Variants in RPRD2 observed in about 807,000 individuals in gnomAD.
RPRD2 encodes the protein regulation of nuclear pre-mRNA domain containing 2, also known as regulation of nuclear pre-mRNA domain-containing protein 2.
A neutral mutation model predicts 104.4 loss-of-function variants in RPRD2; 12 were observed. The ratio of observed to expected loss-of-function variants is 0.11; its 90% CI spans 0.07 to 0.19. RPRD2 has a LOEUF of 0.19. Ranked by LOEUF, RPRD2 falls within the 10% of genes least tolerant of loss-of-function variation. RPRD2 has a pLI of 1.00. For synonymous variants in RPRD2, 714 were observed against 684.9 expected (o/e 1.04, Z -0.66); for missense variants, 1,543 against 1,790.1 (o/e 0.86, Z 2.49).
At chr1:150,383,439 T>C (rs1661305431) in intron 1 of RPRD2, among the ~76,000 whole-genome samples, 1 of 151,162 alleles carries the variant, frequency 6.6e-6, no homozygotes, top group Non-Finnish European at 1.5e-5. Flanking sequence ...CTCAGCCTCC[T>C]GAGTAGCTGG....
At chr1:150,402,294 C>G (rs782107568) in intron 1 of RPRD2, among the ~76,000 whole-genome samples, 1 of 152,140 alleles carries the variant, frequency 6.6e-6, no homozygotes, top group African/African-American at 2.4e-5. Context: ...ATTTGCATAC[C>G]TATCTTCAGT....
At chr1:150,436,462 G>A (rs1553893120) in intron 2 of RPRD2, among the ~76,000 whole-genome samples, 1 of 151,936 alleles carries the variant, frequency 6.6e-6, no homozygotes, top group South Asian at 2.1e-4. Flanking sequence ...TTAGCTGGGC[G>A]TGGTGGCAGG....
chr1:150,424,609 A>G (rs1560190816), intron 2 of RPRD2, among the ~76,000 whole-genome samples: 1 of 152,122 alleles, frequency 6.6e-6, no homozygotes, highest in African/African-American at 2.4e-5. Context: ...TTCTTTCTAC[A>G]AAATGAGAAA....
At chr1:150,409,833 G>A (rs1353766776) in intron 1 of RPRD2, among the ~76,000 whole-genome samples, 1 of 151,676 alleles carries the variant, frequency 6.6e-6, no homozygotes, top group Non-Finnish European at 1.5e-5. Context: ...TTAGTAGAGA[G>A]GGGGTTTCAC....
intron 1 of RPRD2, among the ~76,000 whole-genome samples, chr1:150,382,983 G>A (rs782080252): frequency 2.6e-5 from 4 of 151,832 alleles, no homozygotes; most frequent in South Asian, 2.1e-4. Flanking sequence ...CACTGTGCCC[G>A]GCTGGGATTT....
chr1:150,470,713 A>G lies in RPRD2; in HGVS notation c.1765A>G (p.Ser589Gly), dbSNP rs1668530729. The change falls in exon 11 of 11, where the codon AGC becomes GGC. Residue 589 changes from serine to glycine, a missense_variant. Around this residue, in one of 4 missense-constraint regions of RPRD2, gnomAD observed 572 missense variants for 787.3 expected, o/e 0.73. Coordinates refer to ENST00000369068, the MANE Select transcript of RPRD2 (RefSeq NM_015203.5). ...PSSAQPFIPKSFNYSPNSSTS... is the reference protein window; with the variant it reads ...PSSAQPFIPKGFNYSPNSSTS... ...CAGTGCCCAACCTTTTATTCCCAAA[A>G]GCTTCAACTATTCTCCTAACTCATC... 1 of 1,614,050 alleles carries G rather than the reference A, an allele frequency of 6.2e-7. No individual in the cohort carries two copies. Among genetic ancestry groups the G allele is most frequent in the African/African-American group, 1.3e-5 (1 of 75,072 alleles).
At chr1:150,387,913 C>CTTTTTTTT (rs34188350) in intron 1 of RPRD2, among the ~76,000 whole-genome samples, 1 of 94,602 alleles carries the variant, frequency 1.1e-5, no homozygotes, top group African/African-American at 4.8e-5. Context: ...TTTCTTTTCT[C>CTTTTTTTT]TTTTTTTTTT....
At chr1:150,415,141 T>C (rs1311149759) in intron 1 of RPRD2, among the ~76,000 whole-genome samples, 6 of 151,868 alleles carry the variant, frequency 4.0e-5, no homozygotes, top group Admixed American at 3.9e-4. Flanking sequence ...CCTGCCAGCA[T>C]AACATAGTGA....
intron 1 of RPRD2, among the ~76,000 whole-genome samples, chr1:150,394,465 C>G (rs1180512679): frequency 6.6e-6 from 1 of 152,046 alleles, no homozygotes; most frequent in African/African-American, 2.4e-5. Flanking sequence ...GATGGTTTGG[C>G]AAAAGAGAAC....
chr1:150,388,353 T>C (rs1479689251), intron 1 of RPRD2, among the ~76,000 whole-genome samples: 3 of 91,930 alleles, frequency 3.3e-5, no homozygotes, highest in Admixed American at 1.0e-4. Flanking sequence ...TACACACACA[T>C]ATACATATAT....
At chr1:150,441,454 T>TGATTTAGATTTAACTTACA in intron 3 of RPRD2, 1 of 193,102 alleles carries the variant, frequency 5.2e-6, no homozygotes, top group East Asian at 1.5e-4. Flanking sequence ...GATTTAGATT[T>TGATTTAGATTTAACTTACA]ACAGTAAGTG....
intron 1 of RPRD2, among the ~76,000 whole-genome samples, chr1:150,392,842 G>T (rs1353234320): frequency 6.6e-6 from 1 of 150,624 alleles, no homozygotes; most frequent in Non-Finnish European, 1.5e-5. Flanking sequence ...ACCCTGTCTA[G>T]AAAAAAAACA....
chr1:150,381,541 A>G (rs1199510995), intron 1 of RPRD2, among the ~76,000 whole-genome samples: 6 of 143,212 alleles, frequency 4.2e-5, no homozygotes, highest in Non-Finnish European at 6.0e-5. Flanking sequence ...GTCTTGCTCT[A>G]TCGCCCAGGC....
chr1:150,444,693 T>C (rs1248915611), intron 6 of RPRD2, among the ~76,000 whole-genome samples: 2 of 152,226 alleles, frequency 1.3e-5, no homozygotes, highest in African/African-American at 4.8e-5. Flanking sequence ...TCTAGTTTCC[T>C]TGCATTGTAA....
At chr1:150,440,608 G>T (rs1482255268) in intron 2 of RPRD2, among the ~76,000 whole-genome samples, 1 of 152,090 alleles carries the variant, frequency 6.6e-6, no homozygotes, top group African/African-American at 2.4e-5. Context: ...GTGTAATTGT[G>T]TTTTAGAATG....
At chr1:150,470,338 CTG>C (rs1668512817) in intron 10 of RPRD2, among the ~76,000 whole-genome samples, 1 of 152,102 alleles carries the variant, frequency 6.6e-6, no homozygotes, top group Admixed American at 6.6e-5. Flanking sequence ...GATTTCTGGA[CTG>C]TACTGGAAAC....
chr1:150,437,891 A>G (rs777398694), intron 2 of RPRD2, among the ~76,000 whole-genome samples: 110 of 149,928 alleles, frequency 7.3e-4, no homozygotes, highest in Non-Finnish European at 1.2e-3. Context: ...AAACTTTACA[A>G]TTTTCTAGAG....
intron 1 of RPRD2, among the ~76,000 whole-genome samples, chr1:150,370,095 T>C (rs1455396488): frequency 2.0e-5 from 3 of 152,174 alleles, no homozygotes; most frequent in African/African-American, 7.2e-5. Context: ...TTTTTATGTT[T>C]TTTGTAGAGA....
chr1:150,472,023 T>C lies in RPRD2; in HGVS notation c.3075T>C (p.His1025=). 1.2e-6 allele frequency: 2 copies of C among 1,613,854 alleles called. No individual in the cohort carries two copies. The highest frequency in any genetic ancestry group is 1.7e-6 in the Non-Finnish European group (2 of 1,179,884). The part of the protein sequence containing the change: ...NASRKPSDDK[H]FGQAPSKGTP... The stretch of plus-strand genomic sequence containing the variant: ...CACGTAAGCCCTCAGATGATAAGCA[T>C]TTTGGCCAGGCTCCCAGCAAGGGCA... The change falls in exon 11 of 11, where the codon CAT becomes CAC. Residue 1025 remains histidine (H), a synonymous_variant. Transcript: ENST00000369068.
Sources: allele counts gnomAD v4.1 joint callset (sites outside exome capture counted in the v4.1 genomes callset), GRCh38; gene constraint gnomAD v4.1.1; regional missense constraint gnomAD v4.1.1; transcripts MANE v1.5; gene names NCBI Gene and HGNC (gene_info 2026-07-23, HGNC 2026-07-21).